Variants in ROBO1 observed in about 807,000 individuals in gnomAD.
ROBO1 encodes the protein roundabout guidance receptor 1.
ROBO1 carries 149 observed loss-of-function variants against 195.9 expected under a neutral mutation model. The ratio of observed to expected loss-of-function variants is 0.76; its 90% CI spans 0.67 to 0.87. ROBO1 has a LOEUF of 0.87. Ranked by LOEUF, ROBO1 falls within the 40% of genes least tolerant of loss-of-function variation. ROBO1 has a pLI of 0.00. For missense variants in ROBO1, 1,933 were observed against 2,068.3 expected (o/e 0.93, Z 1.27); for synonymous variants, 816 against 733.2 (o/e 1.11, Z -1.82).
rs146585441 is a variant in ROBO1 at position 78,722,556 on chromosome 3, G to T, written c.658-4673C>A. 2.2e-4 allele frequency among the ~76,000 whole-genome samples: 34 copies of T among 152,180 alleles called. No homozygotes were observed. In the East Asian group the frequency reaches 6.6e-3, roughly 29 times the overall value. Reference sequence around the variant, plus strand: ...AGAAAAATGCACTTTTGTAACAATAGCAGAGATATTAATCATCAATGACTA... The same window carrying T: ...AGAAAAATGCACTTTTGTAACAATATCAGAGATATTAATCATCAATGACTA... On this transcript the variant is annotated intron_variant, in intron 5 of 30. Transcript: ENST00000464233.
intron 4 of ROBO1, among the ~76,000 whole-genome samples, chr3:78,818,216 T>G (rs2030362617): frequency 6.6e-6 from 1 of 152,120 alleles, no homozygotes; most frequent in South Asian, 2.1e-4. Flanking sequence ...GTGGATCCAG[T>G]TCCTTGACTG....
intron 2 of ROBO1, among the ~76,000 whole-genome samples, chr3:79,522,152 G>T (rs1158355424): frequency 1.3e-5 from 2 of 151,944 alleles, no homozygotes; most frequent in African/African-American, 4.8e-5. Flanking sequence ...TAATTGTTTT[G>T]GTATAATAAA....
chr3:79,406,004 A>G (rs571584918), intron 2 of ROBO1, among the ~76,000 whole-genome samples: 5 of 152,228 alleles, frequency 3.3e-5, no homozygotes, highest in African/African-American at 1.2e-4. Flanking sequence ...AAAAATAGCA[A>G]TGGTAGTTAT....
chr3:79,139,688 A>G (rs1350410090), intron 2 of ROBO1, among the ~76,000 whole-genome samples: 1 of 152,110 alleles, frequency 6.6e-6, no homozygotes, highest in African/African-American at 2.4e-5. Context: ...TGCTGCCTTG[A>G]ACTTTATCTG....
At chr3:78,714,638 CA>C (rs1360134615) in intron 7 of ROBO1, 114 bp from the exon 8 acceptor site, 1 of 981,716 alleles carries the variant, frequency 1.0e-6, no homozygotes, top group African/African-American at 1.7e-5. Context: ...TAACTTAAAA[CA>C]AAGAGTAAAA....
chr3:79,055,769 C>A (rs1363315193), intron 3 of ROBO1, among the ~76,000 whole-genome samples: 1 of 152,102 alleles, frequency 6.6e-6, no homozygotes, highest in Non-Finnish European at 1.5e-5. Context: ...GAAGACAGGG[C>A]TGGTTTAGGT....
At chr3:78,949,158 T>C (rs1283911939) in intron 3 of ROBO1, among the ~76,000 whole-genome samples, 4 of 133,814 alleles carry the variant, frequency 3.0e-5, no homozygotes, top group Non-Finnish European at 1.5e-5. Context: ...TGGAAAAAAC[T>C]ACTTTAAAGT....
chr3:78,963,383 G>C (rs1359579412), intron 3 of ROBO1, among the ~76,000 whole-genome samples: 1 of 148,638 alleles, frequency 6.7e-6, no homozygotes, highest in African/African-American at 2.5e-5. Context: ...TGGTGGGTTA[G>C]AAATAATTTG....
At chr3:79,765,414 G>A (rs1007278873) in intron 1 of ROBO1, among the ~76,000 whole-genome samples, 16 of 152,108 alleles carry the variant, frequency 1.1e-4, no homozygotes, top group African/African-American at 3.6e-4. Flanking sequence ...GATTTTGGAA[G>A]GGCAAATATT....
intron 4 of ROBO1, among the ~76,000 whole-genome samples, chr3:78,873,708 T>A (rs996639631): frequency 6.6e-6 from 1 of 152,158 alleles, no homozygotes; most frequent in Non-Finnish European, 1.5e-5. Flanking sequence ...AGGAAATTTT[T>A]AAAAAATGCT....
intron 3 of ROBO1, among the ~76,000 whole-genome samples, chr3:79,109,953 G>T (rs1483114096): frequency 6.6e-6 from 1 of 152,108 alleles, no homozygotes; most frequent in African/African-American, 2.4e-5. Flanking sequence ...TATACATGCT[G>T]ACTTGGCAAT....
intron 4 of ROBO1, among the ~76,000 whole-genome samples, chr3:78,924,098 C>G (rs543192202): frequency 1.3e-5 from 2 of 151,274 alleles, no homozygotes; most frequent in Non-Finnish European, 2.9e-5. Flanking sequence ...TACACATACA[C>G]ACATTATAAA....
intron 2 of ROBO1, among the ~76,000 whole-genome samples, chr3:79,453,518 C>T (rs1178970467): frequency 2.0e-5 from 3 of 151,972 alleles, no homozygotes; most frequent in Non-Finnish European, 2.9e-5. Flanking sequence ...CACGAAGCCT[C>T]ACTTAGGCAT....
intron 2 of ROBO1, among the ~76,000 whole-genome samples, chr3:79,126,149 C>G (rs1420212886): frequency 6.6e-6 from 1 of 152,108 alleles, no homozygotes; most frequent in African/African-American, 2.4e-5. Flanking sequence ...TCTTAAAGGA[C>G]TGATATAAAT....
chr3:78,777,455 T>C (rs35763568), intron 4 of ROBO1, among the ~76,000 whole-genome samples: 37,833 of 152,026 alleles, frequency 0.25, 4,926 homozygotes, highest in East Asian at 0.49. Context: ...TGCCATCTGG[T>C]ACCCCATCAT....
At chr3:79,686,210 G>C (rs1251968040) in intron 1 of ROBO1, among the ~76,000 whole-genome samples, 4 of 152,154 alleles carry the variant, frequency 2.6e-5, no homozygotes, top group Admixed American at 6.5e-5. Flanking sequence ...AGGTATTGAT[G>C]GGACATATCT....
At chr3:79,054,460 A>T (rs961406730) in intron 3 of ROBO1, among the ~76,000 whole-genome samples, 1 of 152,068 alleles carries the variant, frequency 6.6e-6, no homozygotes, top group East Asian at 1.9e-4. Flanking sequence ...CATTCCATCC[A>T]ATGACAAAAT....
intron 23 of ROBO1, among the ~76,000 whole-genome samples, chr3:78,634,978 G>C (rs1289392520): frequency 6.6e-6 from 1 of 151,978 alleles, no homozygotes; most frequent in Non-Finnish European, 1.5e-5. Flanking sequence ...TCTTTACCTG[G>C]AATAGGTGGG....
intron 3 of ROBO1, among the ~76,000 whole-genome samples, chr3:79,070,006 T>C (rs1203079560): frequency 6.6e-6 from 1 of 151,872 alleles, no homozygotes; most frequent in African/African-American, 2.4e-5. Flanking sequence ...TCAACTGGTC[T>C]TGAAGTTATT....
Sources: gnomAD v4.1 joint callset for allele counts (sites outside exome capture counted in the v4.1 genomes callset) on GRCh38, gnomAD v4.1.1 for gene constraint, MANE v1.5 for transcripts, NCBI Gene and HGNC (gene_info 2026-07-23, HGNC 2026-07-21) for gene names.